KIF21A: variants seen among roughly 807,000 people sequenced by gnomAD.
KIF21A encodes the protein kinesin family member 21A, also known as kinesin-like protein KIF21A.
Under a neutral mutation model 202.9 loss-of-function variants are expected in KIF21A, and 114 were observed. That is an observed-to-expected ratio of 0.56 (90% CI 0.48 to 0.66). KIF21A has a LOEUF of 0.66. KIF21A is among the 30% of genes least tolerant of loss of function. The pLI, the probability that KIF21A is intolerant of heterozygous loss-of-function variation, is 0.00. For synonymous variants in KIF21A, 667 were observed against 670.8 expected, an observed-to-expected ratio of 0.99 and a Z score of 0.09; for missense variants, 1,677 against 1,994.9, an observed-to-expected ratio of 0.84 and a Z score of 3.04.
At chr12:39,344,652 C>T (rs548697466) in intron 12 of KIF21A, among the ~76,000 whole-genome samples, 32 of 152,192 alleles carry the variant, frequency 2.1e-4, no homozygotes, top group African/African-American at 7.5e-4. Context: ...GTCATTCGTG[C>T]CACTTCTGAT....
At chr12:39,336,056 C>G (rs929630307) in intron 17 of KIF21A, among the ~76,000 whole-genome samples, 32 of 152,148 alleles carry the variant, frequency 2.1e-4, no homozygotes, top group African/African-American at 7.5e-4. Flanking sequence ...ATGGCTGAAA[C>G]CTAACCAATA....
At chr12:39,398,420 C>T (rs2139802618) in intron 1 of KIF21A, among the ~76,000 whole-genome samples, 1 of 152,002 alleles carries the variant, frequency 6.6e-6, no homozygotes, top group South Asian at 2.1e-4. Flanking sequence ...GGCAACACGG[C>T]AAGATCTCTT....
chr12:39,419,360 A>G (rs1260469853), intron 1 of KIF21A, among the ~76,000 whole-genome samples: 1 of 152,202 alleles, frequency 6.6e-6, no homozygotes. Flanking sequence ...TAGTTACTGT[A>G]AGATGCAAGG....
In KIF21A at chr12:39,332,934, C is replaced by A. The variant is rs148846158; in HGVS notation, c.2661G>T (p.Ala887=). The change falls in exon 19 of 38, where the codon GCG becomes GCT. Residue 887 remains alanine, a synonymous_variant. Transcript: ENST00000361418. The part of the protein sequence containing the change: ...GAQQKMRIPV[A]RVQALPTPAT... Reference sequence around the variant, plus strand: ...CCGGCGTTGGTAAGGCCTGGACTCTCGCCACAGGAATTCTCATTTTCTGCT... The same window carrying A: ...CCGGCGTTGGTAAGGCCTGGACTCTAGCCACAGGAATTCTCATTTTCTGCT... 3 of 1,613,918 alleles carry A rather than the reference C, an allele frequency of 1.9e-6. No homozygotes were observed. The highest frequency in any genetic ancestry group is 2.2e-5 in the South Asian group (2 of 91,078).
At chr12:39,323,831 C>G (rs1023827383) in intron 26 of KIF21A, among the ~76,000 whole-genome samples, 1 of 152,056 alleles carries the variant, frequency 6.6e-6, no homozygotes, top group African/African-American at 2.4e-5. Context: ...TGAGATCCGG[C>G]AGGGTGCGGT....
In KIF21A at chr12:39,301,542, C is replaced by T; in HGVS notation, c.4869G>A (p.Lys1623=). 6.2e-7 allele frequency: 1 copy of T among 1,614,016 alleles called. No homozygotes were observed. The highest frequency in any genetic ancestry group is 8.5e-7 in the Non-Finnish European group (1 of 1,179,958). The change falls in exon 37 of 38, where the codon AAG becomes AAA. Residue 1623 remains lysine (K), a synonymous_variant. Coordinates refer to ENST00000361418, the MANE Select transcript of KIF21A (RefSeq NM_001173464.2). Reference sequence around the variant, plus strand: ...TGGCATTGATAGGACTATCATGACCCTTCATCTCTCCCACTGGCATAAAAG... The same window carrying T: ...TGGCATTGATAGGACTATCATGACCTTTCATCTCTCCCACTGGCATAAAAG... ...MDTFMPVGEM[K]GHDSPINAIC...
At chr12:39,433,421 C>T (rs1016696807) in intron 1 of KIF21A, among the ~76,000 whole-genome samples, 1 of 152,100 alleles carries the variant, frequency 6.6e-6, no homozygotes, top group African/African-American at 2.4e-5. Flanking sequence ...TACTTCTGCT[C>T]CTTTTACTCA....
At chr12:39,434,540 G>A (rs1054648842) in intron 1 of KIF21A, among the ~76,000 whole-genome samples, 1 of 152,122 alleles carries the variant, frequency 6.6e-6, no homozygotes, top group African/African-American at 2.4e-5. Context: ...CTCAAATCCA[G>A]GGGAGAATTA....
chr12:39,389,785 G>A (rs999075567), intron 1 of KIF21A, among the ~76,000 whole-genome samples: 5 of 152,070 alleles, frequency 3.3e-5, no homozygotes, highest in Non-Finnish European at 5.9e-5. Context: ...TATGAAGATG[G>A]ATATCTTTTA....
Position 39,333,104 on chromosome 12 carries a change from T to C in KIF21A, c.2491A>G (p.Thr831Ala), listed in dbSNP as rs1185704719. The change falls in exon 19 of 38, where the codon ACG (threonine) becomes GCG (alanine). Residue 831 changes from threonine (T) to alanine (A), a missense_variant. By Grantham distance (58) the Thr-to-Ala change is moderately conservative (BLOSUM62 0). Around this residue, in one of 3 missense-constraint regions of KIF21A, gnomAD observed 966 missense variants for 1,180.9 expected, o/e 0.82. Transcript: ENST00000361418. ...GGTCTTACTTGCCGACGAAGAGCCG[T>C]AACCTGAAATTGCAGCAAAGGTTGA... The part of the protein sequence containing the change: ...VVLRRKTEEV[T>A]ALRRQVRPMS... 6.2e-7 allele frequency: 1 copy of C among 1,613,850 alleles called. No homozygotes were observed. The highest frequency in any genetic ancestry group is 1.3e-5 in the African/African-American group (1 of 74,932).
rs1192192852 is a variant in KIF21A at position 39,370,366 on chromosome 12, T to A, written c.45-105A>T. 8 of 761,058 alleles carry A rather than the reference T, an allele frequency of 1.1e-5. No homozygotes were observed. In the Admixed American group the frequency reaches 1.8e-4, roughly 17 times the overall value. The allele number at this position is 761,058 out of a possible 1,614,324, so 47.1% of individuals were successfully genotyped here. A position where few individuals can be genotyped will look rare whatever the true frequency, so the allele number is the denominator to read the frequency against. ...TTGGCCAAATCTTTTTTAAAACTCA[T>A]GTAATTACCTAATGCTTATTCAGTT... On this transcript the variant is annotated intron_variant, in intron 1 of 37. Transcript: ENST00000361418.
chr12:39,407,302 T>A (rs1182601673), intron 1 of KIF21A, among the ~76,000 whole-genome samples: 1 of 152,208 alleles, frequency 6.6e-6, no homozygotes, highest in African/African-American at 2.4e-5. Context: ...TTCAAACTTA[T>A]CCTTGAACTT....
intron 17 of KIF21A, among the ~76,000 whole-genome samples, chr12:39,334,200 C>CAAAAAAAAAAAA (rs576176350): frequency 3.5e-4 from 22 of 63,402 alleles, no homozygotes; most frequent in Non-Finnish European, 5.1e-4. Flanking sequence ...GACTCCATCT[C>CAAAAAAAAAAAA]AAAAAAAAAA....
At chr12:39,343,146 G>A (rs1164622903) in intron 12 of KIF21A, among the ~76,000 whole-genome samples, 15 of 151,996 alleles carry the variant, frequency 9.9e-5, no homozygotes, top group African/African-American at 3.1e-4. Context: ...GGCAGATCAC[G>A]AGGTCAGGCA....
intron 1 of KIF21A, among the ~76,000 whole-genome samples, chr12:39,414,229 T>C (rs952143970): frequency 1.9e-4 from 29 of 152,366 alleles, no homozygotes; most frequent in African/African-American, 6.7e-4. Context: ...ATAAAGATTA[T>C]GTTTTACCCA....
intron 1 of KIF21A, among the ~76,000 whole-genome samples, chr12:39,417,023 C>T (rs1002421663): frequency 2.0e-5 from 3 of 151,662 alleles, no homozygotes; most frequent in African/African-American, 7.3e-5. Context: ...GACTATAGCA[C>T]TAACTCAATC....
intron 1 of KIF21A, among the ~76,000 whole-genome samples, chr12:39,436,684 C>T (rs961471112): frequency 6.8e-6 from 1 of 146,076 alleles, no homozygotes; most frequent in Non-Finnish European, 1.5e-5. Flanking sequence ...TATTCTTAAA[C>T]CTTCAGAAAG....
In KIF21A at chr12:39,307,608, A is replaced by G. The variant is rs1290102511; in HGVS notation, c.4399T>C (p.Tyr1467His). The G allele has an allele frequency of 6.2e-7, 1 of 1,614,034 alleles. No homozygotes were observed. Among genetic ancestry groups the G allele is most frequent in the Non-Finnish European group, 8.5e-7 (1 of 1,179,992 alleles). Residue 1467 changes from tyrosine to histidine, a missense_variant, in exon 34 of 38, where the codon TAT becomes CAT. Tyr to His is a moderately conservative substitution (Grantham distance 83). Transcript: ENST00000361418. The stretch of plus-strand genomic sequence containing the variant: ...CTGACAGCATTTCCAGAAGCAGCAT[A>G]GAGGAAGGTGCCAGTTGGGTTTAGG... ...IALNPTGTFL[Y>H]AASGNAVRMW...
intron 11 of KIF21A, among the ~76,000 whole-genome samples, chr12:39,350,239 A>T (rs1215969749): frequency 2.6e-5 from 4 of 151,952 alleles, no homozygotes; most frequent in Admixed American, 2.6e-4. Flanking sequence ...ATAATCACTG[A>T]ATTAGTCACA....
Sources: allele counts gnomAD v4.1 joint callset (sites outside exome capture counted in the v4.1 genomes callset), GRCh38; gene constraint gnomAD v4.1.1; regional missense constraint gnomAD v4.1.1; transcripts MANE v1.5; gene names NCBI Gene and HGNC (gene_info 2026-07-23, HGNC 2026-07-21).